Variants in COL28A1 observed in about 807,000 individuals in gnomAD.
COL28A1 encodes the protein collagen alpha-1(XXVIII) chain.
A neutral mutation model predicts 150.2 loss-of-function variants in COL28A1; 161 were observed. The ratio of observed to expected loss-of-function variants is 1.07; its 90% CI spans 0.94 to 1.22. COL28A1 has a LOEUF of 1.22. Among genes scored for constraint, COL28A1 ranks in the 50% most tolerant of loss-of-function variants. The probability of loss-of-function intolerance (pLI) is 0.00; values close to 1 mark genes in which losing one functional copy is unlikely to be tolerated. For missense variants in COL28A1, 1,617 were observed against 1,388.3 expected, an observed-to-expected ratio of 1.16 and a Z score of -2.62; for synonymous variants, 552 against 469.7, an observed-to-expected ratio of 1.18 and a Z score of -2.26.
chr7:7,380,798 C>T lies in COL28A1; in HGVS notation c.2270G>A (p.Gly757Glu), dbSNP rs758952348. 2 of 1,613,802 alleles carry T rather than the reference C, an allele frequency of 1.2e-6. No homozygotes were observed. The highest frequency in any genetic ancestry group is 1.1e-5 in the South Asian group (1 of 91,076). The change falls in exon 29 of 35, where the codon GGA becomes GAA. Residue 757 changes from glycine to glutamate, a missense_variant. Transcript: ENST00000399429. Reference sequence around the variant, plus strand: ...ACTACTTGCCTGTTTTCCTGGAGATCCAGGCTCTCCAATTTCTCCTTTATC... The same window carrying T: ...ACTACTTGCCTGTTTTCCTGGAGATTCAGGCTCTCCAATTTCTCCTTTATC... ...KGDKGEIGEP[G>E]SPGKQGLQGP...
Position 7,373,113 on chromosome 7 carries a change from C to T in COL28A1, c.2793G>A (p.Val931=), listed in dbSNP as rs768054073. Residue 931 remains valine, a synonymous_variant, in exon 32 of 35, where the codon GTG becomes GTA. Transcript: ENST00000399429. This position sits in a 1 kb window ranked among gnomAD's most constrained non-coding sequence, Gnocchi z 4.1. The part of the protein sequence containing the change: ...NASDTNVEIF[V]IGVVKKNDPN... ...GATCATTTTTCTTCACCACCCCTAT[C>T]ACAAATATCTCCACATTGGTGTCAC... 6.2e-7 allele frequency: 1 copy of T among 1,614,218 alleles called. No homozygotes were observed. Among genetic ancestry groups the T allele is most frequent in the Admixed American group, 1.7e-5 (1 of 60,030 alleles).
chr7:7,449,102 CAT>C (rs2128327201), intron 18 of COL28A1, among the ~76,000 whole-genome samples: 2 of 152,124 alleles, frequency 1.3e-5, no homozygotes, highest in South Asian at 2.1e-4. Flanking sequence ...ATACTTTAAA[CAT>C]GTGCATTTAT....
At chr7:7,494,010 AAT>A (rs1188697082) in intron 11 of COL28A1, among the ~76,000 whole-genome samples, 1 of 152,156 alleles carries the variant, frequency 6.6e-6, no homozygotes, top group Non-Finnish European at 1.5e-5. Flanking sequence ...CCCCAGAAAG[AAT>A]ATGTTTCTCA....
At chr7:7,518,810 C>CA (rs1233280706) in intron 6 of COL28A1, among the ~76,000 whole-genome samples, 1 of 152,052 alleles carries the variant, frequency 6.6e-6, no homozygotes, top group Middle Eastern at 3.2e-3. Flanking sequence ...CTCTGGATTC[C>CA]AAAGTTTCTA....
rs1459850364 is a variant in COL28A1 at position 7,373,789 on chromosome 7, C to T, written c.2360-243G>A. On this transcript the variant is annotated intron_variant, in intron 31 of 34. Transcript: ENST00000399429. The surrounding 1 kb of genome is among the most constrained non-coding windows in gnomAD (Gnocchi z 4.1). ...TCTCGGCTCACTGCAGGCTCCGTCC[C>T]CTGGGATTCACGCCATTCTCCAGCC... Among the ~76,000 whole-genome samples, 3 of 151,358 alleles carry T rather than the reference C, an allele frequency of 2.0e-5. No homozygotes were observed. The highest frequency in any genetic ancestry group is 4.4e-5 in the Non-Finnish European group (3 of 67,856).
chr7:7,352,247 G>C (rs1226075678), downstream of COL28A1, among the ~76,000 whole-genome samples: 3 of 152,068 alleles, frequency 2.0e-5, no homozygotes, highest in Admixed American at 1.3e-4. Flanking sequence ...TTAAATGTAA[G>C]GAACTAGGGA....
At position 7,528,052 on chromosome 7, in the gene COL28A1, C is replaced by A. The variant is rs139577191; in HGVS notation, c.681+3296G>T. On this transcript the variant is annotated intron_variant, in intron 3 of 34. Transcript: ENST00000399429. ...TAATAGATTAAGAAAGCATAGGATT[C>A]TAAAGATGATATAGACATCATCACA... Among the ~76,000 whole-genome samples the A allele has an allele frequency of 4.1e-3, 626 of 152,186 alleles. 8 individuals are homozygous for A. Among genetic ancestry groups the A allele is most frequent in the African/African-American group, 0.014 (588 of 41,522 alleles).
intron 25 of COL28A1, among the ~76,000 whole-genome samples, chr7:7,424,783 T>G (rs1784568115): frequency 6.6e-6 from 1 of 152,160 alleles, no homozygotes; most frequent in Non-Finnish European, 1.5e-5. Context: ...AAAGGGATTC[T>G]AGATGGGAGA....
intron 21 of COL28A1, among the ~76,000 whole-genome samples, chr7:7,439,262 C>T (rs1351283229): frequency 6.6e-6 from 1 of 152,168 alleles, no homozygotes; most frequent in East Asian, 1.9e-4. Flanking sequence ...AGCACACTGG[C>T]CCACTGAGAC....
chr7:7,432,975 A>C (rs1324566584), intron 23 of COL28A1, among the ~76,000 whole-genome samples: 7 of 152,002 alleles, frequency 4.6e-5, no homozygotes, highest in Non-Finnish European at 2.9e-5. Flanking sequence ...CTAGTTTCCT[A>C]TTGTTGCGTT....
intron 15 of COL28A1, among the ~76,000 whole-genome samples, chr7:7,471,764 G>A (rs771466036): frequency 3.3e-5 from 5 of 152,022 alleles, no homozygotes; most frequent in Non-Finnish European, 7.4e-5. Flanking sequence ...ATGTGGTGGC[G>A]GGCACCTGCA....
chr7:7,348,469 C>CA, the COL28A1 span, among the ~76,000 whole-genome samples: 3 of 150,668 alleles, frequency 2.0e-5, no homozygotes, highest in Middle Eastern at 3.4e-3. Flanking sequence ...CACACTCTCA[C>CA]TCGCTCACTC....
At chr7:7,523,107 AATAAGAAG>A (rs1211270391) in intron 4 of COL28A1, among the ~76,000 whole-genome samples, 15 of 152,184 alleles carry the variant, frequency 9.9e-5, no homozygotes, top group African/African-American at 3.6e-4. Context: ...AAGTGCAATT[AATAAGAAG>A]ACACTGTATC....
chr7:7,542,209 G>A, the COL28A1 span, among the ~76,000 whole-genome samples: 1 of 152,140 alleles, frequency 6.6e-6, no homozygotes, highest in African/African-American at 2.4e-5. Flanking sequence ...TTAGCTGGGC[G>A]TGGTGGTGCA....
intron 27 of COL28A1, among the ~76,000 whole-genome samples, chr7:7,396,099 T>C (rs10952057): frequency 0.87 from 132,180 of 152,188 alleles, 57,641 homozygotes; most frequent in East Asian, 1. Context: ...GGTAAAGGTA[T>C]TTCTCATTAG....
intron 15 of COL28A1, among the ~76,000 whole-genome samples, chr7:7,474,047 C>T (rs543660926): frequency 3.0e-5 from 4 of 133,884 alleles, no homozygotes; most frequent in Non-Finnish European, 6.1e-5. Context: ...TATATATATA[C>T]TATATACTCT....
intron 25 of COL28A1, among the ~76,000 whole-genome samples, chr7:7,427,139 T>A (rs1784687368): frequency 6.6e-6 from 1 of 152,206 alleles, no homozygotes; most frequent in Non-Finnish European, 1.5e-5. Flanking sequence ...TTCAAAGTCA[T>A]GAGGTGGACT....
chr7:7,523,441 A>G (rs1425510417), intron 4 of COL28A1, among the ~76,000 whole-genome samples: 1 of 151,750 alleles, frequency 6.6e-6, no homozygotes, highest in Non-Finnish European at 1.5e-5. Context: ...TACAGGCGTG[A>G]GCGACCATGC....
chr7:7,532,271 G>A (rs543065786), intron 2 of COL28A1, among the ~76,000 whole-genome samples: 1 of 152,168 alleles, frequency 6.6e-6, no homozygotes, highest in East Asian at 1.9e-4. Context: ...CTAATTCTCA[G>A]GTTGTGTCAT....
Sources: allele counts gnomAD v4.1 joint callset (sites outside exome capture counted in the v4.1 genomes callset), GRCh38; gene constraint gnomAD v4.1.1; non-coding constraint Gnocchi (gnomAD v3.1); transcripts MANE v1.5; gene names NCBI Gene and HGNC (gene_info 2026-07-23, HGNC 2026-07-21).